The following DNASE1 variants were observed in gnomAD, a reference collection of about 807,000 sequenced individuals.
DNASE1 encodes the protein deoxyribonuclease-1.
A neutral mutation model predicts 33.9 loss-of-function variants in DNASE1; 40 were observed. The ratio of observed to expected loss-of-function variants is 1.18; its 90% CI spans 0.92 to 1.54. DNASE1 has a LOEUF of 1.54. Among genes scored for constraint, DNASE1 ranks in the 40% most tolerant of loss-of-function variants. The probability of loss-of-function intolerance (pLI) is 0.00; values close to 1 mark genes in which losing one functional copy is unlikely to be tolerated. For missense variants in DNASE1, 518 were observed against 372.6 expected (o/e 1.39, Z -3.21); for synonymous variants, 216 against 160.0 (o/e 1.35, Z -2.64).
intron 2 of DNASE1, 80 bp from the exon 3 acceptor site, chr16:3,655,769 A>G (rs867265658): frequency 5.8e-6 from 9 of 1,546,400 alleles, no homozygotes; most frequent in Non-Finnish European, 8.0e-6. Flanking sequence ...CACGAGCATC[A>G]GCTGTGGCTC....
chr16:3,622,887 G>A (rs1342597804), intron 1 of DNASE1, among the ~76,000 whole-genome samples: 1 of 152,132 alleles, frequency 6.6e-6, no homozygotes, highest in Non-Finnish European at 1.5e-5. Flanking sequence ...GCCTTGTAAT[G>A]AACAAAGGTT....
At chr16:3,637,309 T>A (rs1567195951) in intron 1 of DNASE1, among the ~76,000 whole-genome samples, 1 of 152,322 alleles carries the variant, frequency 6.6e-6, no homozygotes, top group East Asian at 1.9e-4. Context: ...TTAAATAAAG[T>A]CTGAGATATG....
At chr16:3,652,492 G>C (rs910708087), upstream of DNASE1, 1 of 152,370 alleles carries the variant, frequency 6.6e-6, no homozygotes, top group African/African-American at 2.4e-5. Context: ...TGACGTGCTG[G>C]AGGCTGTCCT....
chr16:3,625,973 G>A (rs1035561032), intron 1 of DNASE1, among the ~76,000 whole-genome samples: 4 of 152,082 alleles, frequency 2.6e-5, no homozygotes, highest in South Asian at 2.1e-4. Flanking sequence ...CAGGGCATGC[G>A]CCTGTAGTCC....
At chr16:3,634,269 C>G (rs1410830630) in intron 1 of DNASE1, among the ~76,000 whole-genome samples, 1 of 151,936 alleles carries the variant, frequency 6.6e-6, no homozygotes. Context: ...CGCTCTGTCA[C>G]CCAGGCTGGA....
chr16:3,646,481 G>A (rs2042175566), intron 1 of DNASE1, among the ~76,000 whole-genome samples: 1 of 152,092 alleles, frequency 6.6e-6, no homozygotes, highest in African/African-American at 2.4e-5. Context: ...AGATGAACCT[G>A]GGGCCATGGC....
chr16:3,647,601 T>C (rs911459475), intron 1 of DNASE1, among the ~76,000 whole-genome samples: 1 of 152,158 alleles, frequency 6.6e-6, no homozygotes, highest in Non-Finnish European at 1.5e-5. Flanking sequence ...TCAAAACTAG[T>C]ATTACACATC....
chr16:3,622,457 C>T (rs970700181), intron 1 of DNASE1, among the ~76,000 whole-genome samples: 2 of 152,040 alleles, frequency 1.3e-5, no homozygotes, highest in African/African-American at 4.8e-5. Flanking sequence ...GTGGGCTTTG[C>T]ATTCTTTTAG....
chr16:3,630,109 C>T (rs749511446), intron 1 of DNASE1, among the ~76,000 whole-genome samples: 3 of 151,982 alleles, frequency 2.0e-5, no homozygotes, highest in Non-Finnish European at 2.9e-5. Context: ...TGAGCCACCA[C>T]GCCCAGCCCT....
intron 1 of DNASE1, among the ~76,000 whole-genome samples, chr16:3,631,591 C>G (rs1420637292): frequency 6.6e-6 from 1 of 152,078 alleles, no homozygotes; most frequent in Non-Finnish European, 1.5e-5. Context: ...GTGGCATGAT[C>G]TCAGGTCACT....
chr16:3,647,262 ATTTTTTTTTT>A (rs537295148), intron 1 of DNASE1, among the ~76,000 whole-genome samples: 1 of 130,232 alleles, frequency 7.7e-6, no homozygotes, highest in Non-Finnish European at 1.6e-5. Context: ...TAATCATGGG[ATTTTTTTTTT>A]TTTTTTTTTT....
At chr16:3,647,988 C>T (rs1281433529) in intron 1 of DNASE1, among the ~76,000 whole-genome samples, 1 of 151,736 alleles carries the variant, frequency 6.6e-6, no homozygotes, top group East Asian at 2.0e-4. Flanking sequence ...GCCAACATGG[C>T]AAAACCCCGT....
downstream of DNASE1, chr16:3,659,798 C>CAAGCTAGAGTGAAATGGCATGATCT (rs1289608138): frequency 6.6e-6 from 1 of 152,014 alleles, no homozygotes. Flanking sequence ...CTCCTTCACC[C>CAAGCTAGAGTGAAATGGCATGATCT]AAGCTAGAGT....
downstream of DNASE1, chr16:3,663,095 T>C: frequency 1.3e-6 from 1 of 755,176 alleles, no homozygotes; most frequent in Non-Finnish European, 2.1e-6. Flanking sequence ...GCTAGCAAGA[T>C]GCTTTTCATC....
upstream of DNASE1, among the ~76,000 whole-genome samples, chr16:3,638,581 G>A (rs550758986): frequency 9.9e-5 from 15 of 152,218 alleles, no homozygotes; most frequent in East Asian, 1.9e-3. Flanking sequence ...CTCGTGATCC[G>A]CCTGCCTCGG....
chr16:3,655,812 C>G (rs1327660933), intron 2 of DNASE1, 37 bp from the exon 3 acceptor site: 6 of 1,610,644 alleles, frequency 3.7e-6, no homozygotes, highest in Middle Eastern at 1.8e-4. Flanking sequence ...CTGGGTGGCA[C>G]CAGCCCTGCT....
chr16:3,646,214 T>G (rs75156721), intron 1 of DNASE1, among the ~76,000 whole-genome samples: 10 of 151,510 alleles, frequency 6.6e-5, no homozygotes. Flanking sequence ...GGTTTTTCTC[T>G]GGGGGGGGTC....
downstream of DNASE1, chr16:3,658,646 C>G (rs1321722376): frequency 2.5e-6 from 2 of 787,338 alleles, no homozygotes; most frequent in African/African-American, 3.5e-5. Flanking sequence ...GCACTCCAGC[C>G]TGGCAACAGA....
chr16:3,620,738 C>G (rs369326487), intron 1 of DNASE1, among the ~76,000 whole-genome samples: 1 of 150,762 alleles, frequency 6.6e-6, no homozygotes, highest in South Asian at 2.1e-4. Context: ...AGTCCTAAAT[C>G]TAGGATTTCT....
Sources: allele counts gnomAD v4.1 joint callset (sites outside exome capture counted in the v4.1 genomes callset), GRCh38; gene constraint gnomAD v4.1.1; transcripts MANE v1.5; gene names NCBI Gene and HGNC (gene_info 2026-07-23, HGNC 2026-07-21).